The following CUX1 variants were observed in gnomAD, a reference collection of about 807,000 sequenced individuals.
CUX1 encodes the protein cut like homeobox 1.
In CUX1, 31 loss-of-function variants were observed where a neutral mutation model predicts 158.8. That is an observed-to-expected ratio of 0.20 (90% confidence interval 0.15 to 0.26). The LOEUF (loss-of-function observed/expected upper bound fraction) is 0.26. Among genes scored for constraint, CUX1 ranks in the 10% least tolerant of loss-of-function variants. The pLI is 1.00. For synonymous variants in CUX1, 879 were observed against 862.1 expected, an observed-to-expected ratio of 1.02 and a Z score of -0.34; for missense variants, 1,589 against 2,014.6, an observed-to-expected ratio of 0.79 and a Z score of 4.04.
intron 1 of CUX1, among the ~76,000 whole-genome samples, chr7:101,894,226 A>G (rs968983522): frequency 6.6e-6 from 1 of 152,278 alleles, no homozygotes; most frequent in Non-Finnish European, 1.5e-5. Context: ...TGGGACTATT[A>G]TAATTCCTCA....
In CUX1 at chr7:101,956,138, CA is replaced by C. The variant is rs11462111; in HGVS notation, c.141+39938del. 9.1e-3 allele frequency among the ~76,000 whole-genome samples: 591 copies of C among 64,946 alleles called. 2 individuals carry two copies. Among genetic ancestry groups the C allele is most frequent in the African/African-American group, 0.036 (520 of 14,550 alleles). 42.6% of individuals were successfully genotyped at this position (64,946 alleles called of 152,430 possible). On this transcript the variant is annotated intron_variant, in intron 2 of 23. Transcript: ENST00000292535. ...TGGAGCTTGCAGTGAGCCCACGTCTCAAAAAAAAAAAAAAAAAAAAAAAAAG... is the reference window on the plus strand; with the variant it reads ...TGGAGCTTGCAGTGAGCCCACGTCTCAAAAAAAAAAAAAAAAAAAAAAAAG...
At chr7:101,907,787 A>G (rs1176693454) in intron 1 of CUX1, among the ~76,000 whole-genome samples, 1 of 152,218 alleles carries the variant, frequency 6.6e-6, no homozygotes, top group Admixed American at 6.5e-5. Flanking sequence ...TTCAAAGCCT[A>G]GGTCTCATTA....
At chr7:101,833,562 T>TA (rs534986714) in intron 1 of CUX1, among the ~76,000 whole-genome samples, 33,330 of 75,618 alleles carry the variant, frequency 0.44, 7,872 homozygotes, top group African/African-American at 0.54. Context: ...CTCTGTCTCT[T>TA]AAAAAAAAAA....
chr7:102,141,476 G>C (rs535610657), intron 8 of CUX1, among the ~76,000 whole-genome samples: 26 of 152,320 alleles, frequency 1.7e-4, no homozygotes, highest in Non-Finnish European at 3.5e-4. Context: ...GAAGATGCCA[G>C]GATTTGGGAC....
chr7:101,850,372 A>AT (rs1342299562), intron 1 of CUX1, among the ~76,000 whole-genome samples: 3 of 144,582 alleles, frequency 2.1e-5, no homozygotes, highest in Non-Finnish European at 4.5e-5. Flanking sequence ...CCCCACTCTC[A>AT]TTTCCTACAC....
intron 3 of CUX1, among the ~76,000 whole-genome samples, chr7:102,043,386 T>A (rs1438064866): frequency 6.7e-6 from 1 of 149,162 alleles, no homozygotes; most frequent in Non-Finnish European, 1.5e-5. Flanking sequence ...ACACTTGAGA[T>A]CTACTGCCTT....
chr7:102,270,132 A>G (rs1791109487), intron 14 of CUX1, among the ~76,000 whole-genome samples: 1 of 152,230 alleles, frequency 6.6e-6, no homozygotes, highest in African/African-American at 2.4e-5. Context: ...CGTGAAATTC[A>G]TAAAAGGCAG....
At chr7:102,224,872 G>C (rs1016363055) in intron 20 of CUX1, among the ~76,000 whole-genome samples, 3 of 152,208 alleles carry the variant, frequency 2.0e-5, no homozygotes, top group African/African-American at 7.2e-5. Context: ...CTTGCTGTGG[G>C]TTAAAGGACA....
intron 5 of CUX1, among the ~76,000 whole-genome samples, chr7:102,102,011 C>T (rs1554486596): frequency 6.6e-6 from 1 of 152,094 alleles, no homozygotes; most frequent in East Asian, 1.9e-4. Flanking sequence ...GCTGACCTGT[C>T]TGGAGTCCAT....
intron 1 of CUX1, among the ~76,000 whole-genome samples, chr7:101,879,884 C>T (rs1354436912): frequency 3.3e-5 from 5 of 152,174 alleles, no homozygotes; most frequent in Non-Finnish European, 5.9e-5. Context: ...CACAGGGGAC[C>T]GCAGAGTCAC....
intron 1 of CUX1, among the ~76,000 whole-genome samples, chr7:101,833,902 G>A (rs570285973): frequency 6.6e-6 from 1 of 152,176 alleles, no homozygotes; most frequent in South Asian, 2.1e-4. Flanking sequence ...TCCTTCTAAC[G>A]GGGGGTGCAG....
chr7:102,182,781 A>G (rs1554514395), intron 11 of CUX1, among the ~76,000 whole-genome samples: 1 of 152,254 alleles, frequency 6.6e-6, no homozygotes. Flanking sequence ...TAGAAGCAGT[A>G]TAATTAGCTA....
intron 1 of CUX1, among the ~76,000 whole-genome samples, chr7:101,887,097 C>T (rs1011822457): frequency 6.6e-6 from 1 of 152,096 alleles, no homozygotes; most frequent in East Asian, 1.9e-4. Context: ...CACTGCTGGG[C>T]GTTGTTGAGT....
chr7:101,978,271 G>A (rs1330174651), intron 2 of CUX1, among the ~76,000 whole-genome samples: 1 of 152,142 alleles, frequency 6.6e-6, no homozygotes, highest in African/African-American at 2.4e-5. Flanking sequence ...AAAGAGAACT[G>A]TTGACCCCTC....
At chr7:101,904,064 G>A (rs954381412) in intron 1 of CUX1, among the ~76,000 whole-genome samples, 1 of 151,924 alleles carries the variant, frequency 6.6e-6, no homozygotes, top group Non-Finnish European at 1.5e-5. Context: ...AGGCTGAGGT[G>A]GGGGGCGGTC....
chr7:101,890,462 G>C (rs1265177266), intron 1 of CUX1, among the ~76,000 whole-genome samples: 1 of 151,726 alleles, frequency 6.6e-6, no homozygotes, highest in East Asian at 1.9e-4. Flanking sequence ...GGCTAGGAGA[G>C]CCCACCCTGC....
intron 2 of CUX1, among the ~76,000 whole-genome samples, chr7:102,010,638 T>C (rs373384265): frequency 6.6e-6 from 1 of 152,284 alleles, no homozygotes; most frequent in Non-Finnish European, 1.5e-5. Flanking sequence ...TAAGTAAATA[T>C]GTGTGTGCAT....
intron 1 of CUX1, among the ~76,000 whole-genome samples, chr7:101,910,921 G>T (rs1008485303): frequency 1.3e-5 from 2 of 152,234 alleles, no homozygotes; most frequent in Non-Finnish European, 1.5e-5. Flanking sequence ...GGAGTTGGGG[G>T]CAGAGAGAAA....
At chr7:102,239,860 C>T (rs1352686722) in intron 23 of CUX1, among the ~76,000 whole-genome samples, 1 of 152,122 alleles carries the variant, frequency 6.6e-6, no homozygotes, top group Non-Finnish European at 1.5e-5. Flanking sequence ...AGTTCTCCTG[C>T]GTCAGCCTCC....
Sources: allele counts gnomAD v4.1 joint callset (sites outside exome capture counted in the v4.1 genomes callset), GRCh38; gene constraint gnomAD v4.1.1; transcripts MANE v1.5; gene names NCBI Gene and HGNC (gene_info 2026-07-23, HGNC 2026-07-21).